PRKCH: variants seen among roughly 807,000 people sequenced by gnomAD.
PRKCH encodes protein kinase C eta type.
PRKCH carries 28 observed loss-of-function variants against 82.5 expected under a neutral mutation model. That is an observed-to-expected ratio of 0.34 (90% confidence interval 0.25 to 0.47). The LOEUF is 0.47. Among genes scored for constraint, PRKCH ranks in the 20% least tolerant of loss-of-function variants. PRKCH has a pLI of 1.00. For missense variants in PRKCH, 705 were observed against 881.8 expected, an observed-to-expected ratio of 0.80 and a Z score of 2.54; for synonymous variants, 322 against 327.4, an observed-to-expected ratio of 0.98 and a Z score of 0.18.
chr14:61,457,830 C>A, intron 9 of PRKCH, 151 bp downstream of exon 9: 2 of 1,067,824 alleles, frequency 1.9e-6, no homozygotes, highest in Non-Finnish European at 2.7e-6. Flanking sequence ...GTGACTTCTG[C>A]CAACCTCTGG....
At chr14:61,516,076 G>A (rs2042824173) in intron 10 of PRKCH, among the ~76,000 whole-genome samples, 1 of 152,164 alleles carries the variant, frequency 6.6e-6, no homozygotes, top group African/African-American at 2.4e-5. Flanking sequence ...AGGCTCTAAA[G>A]TCTGTGCCCG....
At chr14:61,248,089 A>G (rs2044904053) in intron 1 of PRKCH, among the ~76,000 whole-genome samples, 1 of 152,188 alleles carries the variant, frequency 6.6e-6, no homozygotes, top group East Asian at 1.9e-4. Context: ...AAACGAAATG[A>G]GTCAAACATA....
At chr14:61,407,415 A>G (rs967184437) in intron 2 of PRKCH, among the ~76,000 whole-genome samples, 1 of 152,186 alleles carries the variant, frequency 6.6e-6, no homozygotes, top group Non-Finnish European at 1.5e-5. Flanking sequence ...GTTCTAACCT[A>G]GGACTTCAGA....
chr14:61,448,356 A>C (rs1475129162), intron 4 of PRKCH, among the ~76,000 whole-genome samples: 1 of 152,224 alleles, frequency 6.6e-6, no homozygotes, highest in African/African-American at 2.4e-5. Flanking sequence ...GCAGTGTATC[A>C]CTTATCTAGA....
At chr14:61,504,542 T>C (rs1887056041) in intron 10 of PRKCH, among the ~76,000 whole-genome samples, 1 of 152,144 alleles carries the variant, frequency 6.6e-6, no homozygotes, top group African/African-American at 2.4e-5. Flanking sequence ...CAAAGAGGTG[T>C]CTGCATTTCT....
chr14:61,464,302 A>G (rs1314035768), intron 9 of PRKCH, among the ~76,000 whole-genome samples: 1 of 151,770 alleles, frequency 6.6e-6, no homozygotes. Context: ...TTTAATCTGC[A>G]TATCCCCAAT....
At chr14:61,306,583 G>C (rs1339725173) in intron 1 of PRKCH, 12 of 152,292 alleles carry the variant, frequency 7.9e-5, no homozygotes, top group Admixed American at 7.9e-4. Flanking sequence ...CAAATGTCTA[G>C]AATCAGTTAT....
intron 1 of PRKCH, among the ~76,000 whole-genome samples, chr14:61,223,998 A>G (rs2044675451): frequency 6.6e-6 from 1 of 152,240 alleles, no homozygotes; most frequent in South Asian, 2.1e-4. Context: ...AGCAGGCTAC[A>G]GAGCCAGGGT....
At chr14:61,403,508 A>C (rs1214932723) in intron 2 of PRKCH, among the ~76,000 whole-genome samples, 2 of 152,206 alleles carry the variant, frequency 1.3e-5, no homozygotes, top group Non-Finnish European at 2.9e-5. Context: ...TTTTGTTATA[A>C]GCCTGTTCTC....
At chr14:61,404,424 T>C (rs1472981808) in intron 2 of PRKCH, among the ~76,000 whole-genome samples, 5 of 152,236 alleles carry the variant, frequency 3.3e-5, no homozygotes, top group African/African-American at 9.7e-5. Flanking sequence ...TACTTTTATG[T>C]TATCCCCACT....
At chr14:61,225,562 A>G (rs2044690570) in intron 1 of PRKCH, among the ~76,000 whole-genome samples, 1 of 152,206 alleles carries the variant, frequency 6.6e-6, no homozygotes, top group Non-Finnish European at 1.5e-5. Context: ...GTGCATGGTA[A>G]TACGCATAAG....
chr14:61,374,647 T>C lies in PRKCH; in HGVS notation c.364-16578T>C, dbSNP rs911979436. ...CACCCTCTGAAGCCACAGCCCGAGC[T>C]GTACATTGGCCCCTTTTAGCCATGG... On this transcript the variant is annotated intron_variant, in intron 1 of 13. Transcript: ENST00000332981. Among the ~76,000 whole-genome samples, 25 of 152,198 alleles carry C rather than the reference T, an allele frequency of 1.6e-4. 1 individual carries two copies. Among genetic ancestry groups the C allele is most frequent in the African/African-American group, 6.0e-4 (25 of 41,442 alleles).
At chr14:61,501,282 T>C (rs1191760660) in intron 10 of PRKCH, among the ~76,000 whole-genome samples, 1 of 152,114 alleles carries the variant, frequency 6.6e-6, no homozygotes, top group Non-Finnish European at 1.5e-5. Context: ...ACAGATTCCA[T>C]AAGGAAATTG....
chr14:61,498,989 C>G (rs567104181), intron 10 of PRKCH, among the ~76,000 whole-genome samples: 5 of 152,250 alleles, frequency 3.3e-5, no homozygotes, highest in African/African-American at 1.2e-4. Context: ...GAAAACAGCT[C>G]CTGCTACAGT....
At chr14:61,537,539 T>G (rs975200304) in intron 12 of PRKCH, 6 of 152,166 alleles carry the variant, frequency 3.9e-5, no homozygotes, top group Non-Finnish European at 8.8e-5. Flanking sequence ...CAGAAGGGCT[T>G]AGGGAAGTCC....
intron 12 of PRKCH, among the ~76,000 whole-genome samples, chr14:61,533,926 T>C (rs1470812258): frequency 6.6e-6 from 1 of 152,232 alleles, no homozygotes; most frequent in Non-Finnish European, 1.5e-5. Context: ...TCAGGCTGCT[T>C]TCTGGCTCTA....
intron 2 of PRKCH, among the ~76,000 whole-genome samples, chr14:61,430,627 C>A (rs900311983): frequency 6.6e-6 from 1 of 152,202 alleles, no homozygotes; most frequent in Admixed American, 6.5e-5. Context: ...ACAGGAATGT[C>A]AGGCAACCAT....
chr14:61,470,380 C>A (rs1885446563), intron 9 of PRKCH, among the ~76,000 whole-genome samples: 1 of 152,004 alleles, frequency 6.6e-6, no homozygotes, highest in Admixed American at 6.6e-5. Flanking sequence ...CACTGGCAGC[C>A]CCTGCATCAG....
At chr14:61,299,005 G>A (rs542946779) in intron 1 of PRKCH, 6 of 152,330 alleles carry the variant, frequency 3.9e-5, no homozygotes, top group African/African-American at 1.4e-4. Flanking sequence ...GGTTTTATAT[G>A]TTGGCATGCT....
Sources: gnomAD v4.1 joint callset for allele counts (sites outside exome capture counted in the v4.1 genomes callset) on GRCh38, gnomAD v4.1.1 for gene constraint, MANE v1.5 for transcripts, NCBI Gene and HGNC (gene_info 2026-07-23, HGNC 2026-07-21) for gene names.